ZNF423: variants seen among roughly 807,000 people sequenced by gnomAD.
The protein encoded by ZNF423 is zinc finger protein 423.
ZNF423 carries 12 observed loss-of-function variants against 95.8 expected under a neutral mutation model. That is an observed-to-expected ratio of 0.13 (90% confidence interval 0.08 to 0.20). The LOEUF (loss-of-function observed/expected upper bound fraction) is 0.20. Among genes scored for constraint, ZNF423 ranks in the 10% least tolerant of loss-of-function variants. The pLI is 1.00. For synonymous variants in ZNF423, 749 were observed against 711.9 expected (o/e 1.05, Z -0.83); for missense variants, 1,316 against 1,737.1 (o/e 0.76, Z 4.31).
intron 7 of ZNF423, among the ~76,000 whole-genome samples, chr16:49,513,642 G>A (rs887482937): frequency 8.3e-6 from 1 of 121,080 alleles, no homozygotes; most frequent in Admixed American, 8.3e-5. Context: ...GGGATGGATG[G>A]ATGGATGGAT....
chr16:49,654,078 T>G (rs1275207021), intron 3 of ZNF423, among the ~76,000 whole-genome samples: 2 of 152,182 alleles, frequency 1.3e-5, no homozygotes, highest in African/African-American at 4.8e-5. Context: ...ATCTGAGACA[T>G]AGAGAGGGCG....
At chr16:49,771,976 A>C (rs577897471) in intron 2 of ZNF423, among the ~76,000 whole-genome samples, 18 of 152,276 alleles carry the variant, frequency 1.2e-4, no homozygotes, top group African/African-American at 4.1e-4. Context: ...GAGGGCCTGG[A>C]TCACACAGAT....
At chr16:49,846,561 C>A (rs540720380) in intron 1 of ZNF423, among the ~76,000 whole-genome samples, 7 of 152,172 alleles carry the variant, frequency 4.6e-5, no homozygotes, top group Non-Finnish European at 1.0e-4. Flanking sequence ...GGGCACAAGG[C>A]ATCTGCAGGG....
intron 5 of ZNF423, among the ~76,000 whole-genome samples, chr16:49,529,332 T>C (rs1348686654): frequency 6.6e-6 from 1 of 151,898 alleles, no homozygotes; most frequent in Non-Finnish European, 1.5e-5. Flanking sequence ...TAAAAATAAA[T>C]AAAAACTCAA....
Position 49,637,645 on chromosome 16 carries a change from G to A in ZNF423, c.1531C>T (p.His511Tyr). 6.2e-7 allele frequency: 1 copy of A among 1,614,088 alleles called. No homozygotes were observed. The highest frequency in any genetic ancestry group is 8.5e-7 in the Non-Finnish European group (1 of 1,180,038). The part of the protein sequence containing the change: ...NSLQEHIRVS[H>Y]CGPNANPSDG... The stretch of plus-strand genomic sequence containing the variant: ...GAGGGGTTGGCGTTGGGGCCGCAGT[G>A]GGAGACGCGGATGTGCTCCTGCAGG... The change falls in exon 4 of 8, where the codon CAC (histidine) becomes TAC (tyrosine). Residue 511 changes from histidine to tyrosine, a missense_variant. Coordinates refer to ENST00000563137, the MANE Select transcript of ZNF423 (RefSeq NM_001379286.1). This position sits in a 1 kb window ranked among gnomAD's most constrained non-coding sequence, Gnocchi z 5.6.
chr16:49,550,132 T>C (rs1170899515), intron 5 of ZNF423, among the ~76,000 whole-genome samples: 1 of 152,204 alleles, frequency 6.6e-6, no homozygotes, highest in Non-Finnish European at 1.5e-5. Context: ...CCTTCCAAAG[T>C]GCTGGGATTA....
intron 5 of ZNF423, among the ~76,000 whole-genome samples, chr16:49,600,341 TAAAA>T (rs1177079125): frequency 6.6e-6 from 1 of 151,012 alleles, no homozygotes; most frequent in East Asian, 2.0e-4. Flanking sequence ...AAATAAAAAT[TAAAA>T]AAATAAAATA....
At chr16:49,551,466 G>C (rs1421165787) in intron 5 of ZNF423, among the ~76,000 whole-genome samples, 1 of 152,154 alleles carries the variant, frequency 6.6e-6, no homozygotes, top group Non-Finnish European at 1.5e-5. Context: ...TATGGTCTAA[G>C]CAGAATCAAT....
rs1327322906 is a variant in ZNF423, at chr16:49,802,425, G to A, written c.41-12879C>T. On this transcript the variant is annotated intron_variant, in intron 1 of 7. Coordinates refer to ENST00000563137, the MANE Select transcript of ZNF423 (RefSeq NM_001379286.1). Reference sequence around the variant, plus strand: ...GTGTGCTGGTCAATGTCTAACAGGGGGCTATCCAGGAGAACAAGAGGCTCT... The same window carrying A: ...GTGTGCTGGTCAATGTCTAACAGGGAGCTATCCAGGAGAACAAGAGGCTCT... Among the ~76,000 whole-genome samples, 3 of 152,300 alleles carry A rather than the reference G, an allele frequency of 2.0e-5. No homozygotes were observed. The East Asian group carries it at 5.8e-4, about 29-fold the overall frequency.
intron 5 of ZNF423, among the ~76,000 whole-genome samples, chr16:49,611,718 T>C (rs369666594): frequency 4.0e-5 from 6 of 151,792 alleles, no homozygotes; most frequent in South Asian, 4.1e-4. Flanking sequence ...TTTTAAAAGA[T>C]TGATAAAATT....
chr16:49,726,483 G>T (rs1302354378), intron 3 of ZNF423, among the ~76,000 whole-genome samples: 2 of 152,118 alleles, frequency 1.3e-5, no homozygotes, highest in Non-Finnish European at 2.9e-5. Context: ...AGAAGATGAT[G>T]ATAAACACCC....
At chr16:49,821,050 T>TCGAG (rs2034932431) in intron 1 of ZNF423, among the ~76,000 whole-genome samples, 1 of 152,232 alleles carries the variant, frequency 6.6e-6, no homozygotes, top group Non-Finnish European at 1.5e-5. Context: ...CTCTTTTATT[T>TCGAG]GCATTGGAGG....
intron 5 of ZNF423, among the ~76,000 whole-genome samples, chr16:49,552,599 T>C (rs1229399500): frequency 6.6e-6 from 1 of 152,116 alleles, no homozygotes; most frequent in African/African-American, 2.4e-5. Context: ...GATTTCTAAA[T>C]CCTCAGCCAA....
chr16:49,686,135 C>A (rs577357773), intron 3 of ZNF423, among the ~76,000 whole-genome samples: 20 of 152,332 alleles, frequency 1.3e-4, no homozygotes, highest in Admixed American at 2.0e-4. Context: ...CCTTCTCCCC[C>A]ACAGACTGGA....
chr16:49,712,745 G>A (rs2032583257), intron 3 of ZNF423, among the ~76,000 whole-genome samples: 1 of 152,224 alleles, frequency 6.6e-6, no homozygotes, highest in Non-Finnish European at 1.5e-5. Flanking sequence ...ATCCTCTGGG[G>A]GTCCCGGGAG....
intron 5 of ZNF423, among the ~76,000 whole-genome samples, chr16:49,529,759 G>A (rs1325682830): frequency 6.6e-6 from 1 of 152,168 alleles, no homozygotes; most frequent in Non-Finnish European, 1.5e-5. Context: ...CACACATTCG[G>A]AGGCCATAAT....
chr16:49,835,254 C>T (rs893995876), intron 1 of ZNF423, among the ~76,000 whole-genome samples: 1 of 152,188 alleles, frequency 6.6e-6, no homozygotes, highest in South Asian at 2.1e-4. Flanking sequence ...TCAGCCCTGG[C>T]CTTGAGCCCA....
chr16:49,673,320 T>C (rs905386584), intron 3 of ZNF423, among the ~76,000 whole-genome samples: 26 of 152,218 alleles, frequency 1.7e-4, no homozygotes, highest in African/African-American at 6.3e-4. Context: ...TGATTGGCAA[T>C]TTTTTCACCC....
At chr16:49,824,023 T>C (rs1007076426) in intron 1 of ZNF423, among the ~76,000 whole-genome samples, 4 of 152,070 alleles carry the variant, frequency 2.6e-5, no homozygotes, top group East Asian at 1.9e-4. Flanking sequence ...GAGATTACAG[T>C]GAGCCATATA....
Sources: allele counts gnomAD v4.1 joint callset (sites outside exome capture counted in the v4.1 genomes callset), GRCh38; gene constraint gnomAD v4.1.1; non-coding constraint Gnocchi (gnomAD v3.1); transcripts MANE v1.5; gene names NCBI Gene and HGNC (gene_info 2026-07-23, HGNC 2026-07-21).